Variants in MGLL observed in about 807,000 individuals in gnomAD.
MGLL encodes lysophospholipase homolog.
In MGLL, 7 loss-of-function variants were observed where a neutral mutation model predicts 29.1. The observed-to-expected ratio is 0.24, with a 90% CI of 0.14 to 0.45. MGLL has a LOEUF of 0.45. Ranked by LOEUF, MGLL falls within the 20% of genes least tolerant of loss-of-function variation. MGLL has a pLI of 0.99. For missense variants in MGLL, 356 were observed against 413.6 expected, an observed-to-expected ratio of 0.86 and a Z score of 1.21; for synonymous variants, 148 against 168.3, an observed-to-expected ratio of 0.88 and a Z score of 0.93.
intron 2 of MGLL, among the ~76,000 whole-genome samples, chr3:127,807,416 A>G (rs1421830279): frequency 6.6e-6 from 1 of 152,066 alleles, no homozygotes. Flanking sequence ...TTTTCAAATA[A>G]CCAACTTTTG....
intron 2 of MGLL, among the ~76,000 whole-genome samples, 190 bp from the exon 3 acceptor site, chr3:127,782,085 G>A (rs2077137839): frequency 6.6e-6 from 1 of 152,160 alleles, no homozygotes; most frequent in Admixed American, 6.5e-5. Flanking sequence ...AGCCGGGAGT[G>A]GTGGCATGCG....
chr3:127,812,881 C>T (rs1166968264), intron 2 of MGLL, among the ~76,000 whole-genome samples: 1 of 150,926 alleles, frequency 6.6e-6, no homozygotes, highest in Non-Finnish European at 1.5e-5. Context: ...GTGGTCCTGG[C>T]AGTCCTGTCC....
intron 2 of MGLL, among the ~76,000 whole-genome samples, chr3:127,820,447 A>T (rs1186036878): frequency 6.6e-6 from 1 of 152,160 alleles, no homozygotes; most frequent in African/African-American, 2.4e-5. Context: ...GGACAACCTC[A>T]CTACTTAACC....
intron 5 of MGLL, chr3:127,714,092 G>GAAAAAA (rs60199721): frequency 6.9e-6 from 1 of 143,922 alleles, no homozygotes; most frequent in African/African-American, 2.6e-5. Flanking sequence ...AGCTTCGTAG[G>GAAAAAA]AAAAAAAAAA....
intron 3 of MGLL, among the ~76,000 whole-genome samples, chr3:127,725,040 T>C (rs1460259526): frequency 1.3e-5 from 2 of 151,880 alleles, no homozygotes; most frequent in Non-Finnish European, 2.9e-5. Context: ...CCTCCCTCCT[T>C]AAGGGGTGGT....
chr3:127,819,278 G>A (rs904154409), intron 2 of MGLL, among the ~76,000 whole-genome samples: 14 of 152,286 alleles, frequency 9.2e-5, no homozygotes, highest in South Asian at 2.1e-4. Context: ...AGGTGCTCAC[G>A]GCAGGCTCCA....
At chr3:127,694,778 A>C (rs1158437004) in intron 7 of MGLL, among the ~76,000 whole-genome samples, 197 bp downstream of exon 7, 2 of 152,198 alleles carry the variant, frequency 1.3e-5, no homozygotes. Flanking sequence ...AACAATCAGC[A>C]AATGACTCGT....
intron 5 of MGLL, chr3:127,711,074 G>A (rs755732437): frequency 3.4e-4 from 110 of 321,036 alleles, no homozygotes; most frequent in Non-Finnish European, 5.4e-4. Flanking sequence ...AACTGAGCAC[G>A]AAGCAGGGCA....
intron 1 of MGLL, 108 bp from the exon 2 acceptor site, chr3:127,821,946 T>TA (rs1465740753): frequency 4.9e-6 from 6 of 1,225,952 alleles, no homozygotes; most frequent in Middle Eastern, 2.5e-4. Context: ...AAAAGCAGTT[T>TA]AAAAAACCCC....
At chr3:127,777,132 A>G (rs2077050180) in intron 3 of MGLL, among the ~76,000 whole-genome samples, 1 of 152,216 alleles carries the variant, frequency 6.6e-6, no homozygotes, top group Admixed American at 6.5e-5. Flanking sequence ...CTCACCCAGA[A>G]CAAACACCCA....
intron 5 of MGLL, among the ~76,000 whole-genome samples, chr3:127,716,457 A>G (rs781404750): frequency 6.6e-6 from 1 of 152,214 alleles, no homozygotes; most frequent in Non-Finnish European, 1.5e-5. Context: ...CAAAGTAGAG[A>G]CTTCAGGAAA....
intron 3 of MGLL, among the ~76,000 whole-genome samples, chr3:127,728,037 T>A (rs573501153): frequency 6.6e-6 from 1 of 152,364 alleles, no homozygotes; most frequent in East Asian, 1.9e-4. Context: ...GTTACTAATT[T>A]GATAATTAGA....
At chr3:127,796,179 C>T (rs1334858858) in intron 2 of MGLL, among the ~76,000 whole-genome samples, 8 of 152,186 alleles carry the variant, frequency 5.3e-5, no homozygotes, top group Non-Finnish European at 1.2e-4. Context: ...GGGCCACTGT[C>T]CCTGCTCCTG....
chr3:127,815,983 G>A (rs1366106503), intron 2 of MGLL, among the ~76,000 whole-genome samples: 1 of 152,218 alleles, frequency 6.6e-6, no homozygotes, highest in Non-Finnish European at 1.5e-5. Context: ...GGAGAGCAAG[G>A]AGCCGTATGG....
At chr3:127,784,975 A>G (rs1338530461) in intron 2 of MGLL, among the ~76,000 whole-genome samples, 1 of 152,084 alleles carries the variant, frequency 6.6e-6, no homozygotes, top group Non-Finnish European at 1.5e-5. Flanking sequence ...CCGAGCTCCG[A>G]GGCCTCCTTT....
At chr3:127,717,201 G>C (rs1358259217) in intron 5 of MGLL, among the ~76,000 whole-genome samples, 1 of 152,222 alleles carries the variant, frequency 6.6e-6, no homozygotes, top group Non-Finnish European at 1.5e-5. Flanking sequence ...GCTTGAAAGA[G>C]TGGCCATGTT....
chr3:127,728,678 G>A (rs754755991), intron 3 of MGLL, among the ~76,000 whole-genome samples: 17 of 152,236 alleles, frequency 1.1e-4, no homozygotes, highest in East Asian at 7.7e-4. Flanking sequence ...AGTTGGCTGC[G>A]GTAGATAAAC....
Position 127,726,145 on chromosome 3 carries a change from A to AAAGAAAGAAAGAAAGAAAGG in MGLL, c.263-3580_263-3579insCCTTTCTTTCTTTCTTTCTT, listed in dbSNP as rs2076030221. 1.5e-4 allele frequency among the ~76,000 whole-genome samples: 4 copies of AAAGAAAGAAAGAAAGAAAGG among 26,668 alleles called. No individual in the cohort carries two copies. In the Middle Eastern group the frequency reaches 0.094, roughly 625 times the overall value. 17.5% of individuals were successfully genotyped at this position (26,668 alleles called of 152,430 possible). Reference sequence around the variant, plus strand: ...GAAAGAAAGAAAGAAAGAAAGAAAGAAAGAAAGAAAGAAAGAAAGAAAGAA... The same window carrying AAAGAAAGAAAGAAAGAAAGG: ...GAAAGAAAGAAAGAAAGAAAGAAAGAAAGAAAGAAAGAAAGAAAGGAAGAAAGAAAGAAAGAAAGAAAGAA... On this transcript the variant is annotated intron_variant, in intron 3 of 7. Coordinates refer to ENST00000265052, the MANE Select transcript of MGLL (RefSeq NM_007283.7).
intron 3 of MGLL, among the ~76,000 whole-genome samples, chr3:127,738,068 AG>A (rs1232112795): frequency 6.6e-6 from 1 of 151,944 alleles, no homozygotes; most frequent in East Asian, 1.9e-4. Context: ...TGGGAGGCCA[AG>A]GTGGGCAGAT....
Sources: allele counts gnomAD v4.1 joint callset (sites outside exome capture counted in the v4.1 genomes callset), GRCh38; gene constraint gnomAD v4.1.1; transcripts MANE v1.5; gene names NCBI Gene and HGNC (gene_info 2026-07-23, HGNC 2026-07-21).